Variants in MED30 observed in about 807,000 individuals in gnomAD.
The protein encoded by MED30 is mediator of RNA polymerase II transcription subunit 30.
MED30 carries 8 observed loss-of-function variants against 21.7 expected under a neutral mutation model. The ratio of observed to expected loss-of-function variants is 0.37; its 90% CI spans 0.22 to 0.67. The LOEUF is 0.67. Ranked by LOEUF, MED30 falls within the 30% of genes least tolerant of loss-of-function variation. The probability of loss-of-function intolerance (pLI) is 0.58; values close to 1 mark genes in which losing one functional copy is unlikely to be tolerated. For missense variants in MED30, 203 were observed against 228.2 expected (o/e 0.89, Z 0.71); for synonymous variants, 79 against 86.7 (o/e 0.91, Z 0.49).
rs1294940654 is a variant in MED30, at chr8:117,522,635, C to CT, written c.177+1595dup. ...GGGTGTCCAAAAAAGTGTTTTATTG[C>CT]TTTTTTTTTTTTTAACTGGTCAAGA... On this transcript the variant is annotated intron_variant, in intron 1 of 3. Coordinates refer to ENST00000297347, the MANE Select transcript of MED30 (RefSeq NM_080651.4). Among the ~76,000 whole-genome samples, 459 of 139,600 alleles carry CT rather than the reference C, an allele frequency of 3.3e-3. 4 individuals carry two copies. The highest frequency in any genetic ancestry group is 3.7e-3 in the Middle Eastern group (1 of 270). The allele number at this position is 139,600 out of a possible 152,430, so 91.6% of individuals were successfully genotyped here.
At chr8:117,534,169 T>C (rs544776614) in intron 3 of MED30, among the ~76,000 whole-genome samples, 7 of 152,208 alleles carry the variant, frequency 4.6e-5, no homozygotes, top group African/African-American at 1.7e-4. Flanking sequence ...CCATGGTGGA[T>C]CAGGCGTATT....
At position 117,528,643 on chromosome 8, in the gene MED30, C is replaced by G; in HGVS notation, c.178-8C>G. The G allele has an allele frequency of 1.3e-6, 2 of 1,535,156 alleles. No homozygotes were observed. Among genetic ancestry groups the G allele is most frequent in the East Asian group, 4.7e-5 (2 of 42,360 alleles). On this transcript the variant is annotated splice_region_variant and splice_polypyrimidine_tract_variant and intron_variant, in intron 1 of 3. Transcript: ENST00000297347. ...TTGATATTTTTATTCTTTGTTTTTC[C>G]TGATAAGCTGCCAAATGGTGTCACT... is the stretch of plus-strand genomic sequence containing the variant.
At chr8:117,526,121 G>A (rs1818716121) in intron 1 of MED30, among the ~76,000 whole-genome samples, 1 of 151,746 alleles carries the variant, frequency 6.6e-6, no homozygotes, top group African/African-American at 2.4e-5. Flanking sequence ...ATTGTAAATG[G>A]GGTCTTCTTT....
chr8:117,537,154 A>G (rs1400862021), intron 3 of MED30, among the ~76,000 whole-genome samples: 2 of 152,250 alleles, frequency 1.3e-5, no homozygotes, highest in Non-Finnish European at 2.9e-5. Flanking sequence ...ATGCATTTAG[A>G]AAGTAAACCA....
At chr8:117,534,847 A>ATTGTTTT (rs1554634547) in intron 3 of MED30, among the ~76,000 whole-genome samples, 4 of 60,530 alleles carry the variant, frequency 6.6e-5, no homozygotes, top group Admixed American at 1.6e-4. Context: ...AGGCAAACAA[A>ATTGTTTT]TTGTTTTTTT....
intron 1 of MED30, among the ~76,000 whole-genome samples, chr8:117,526,658 G>A (rs145738713): frequency 1.3e-3 from 204 of 152,012 alleles, no homozygotes; most frequent in African/African-American, 4.5e-3. Context: ...CATTTTTACC[G>A]TGTATACTCT....
chr8:117,525,694 A>G (rs961390096), intron 1 of MED30, among the ~76,000 whole-genome samples: 1 of 152,122 alleles, frequency 6.6e-6, no homozygotes, highest in Non-Finnish European at 1.5e-5. Context: ...CAAAAGGTTC[A>G]CTGAATAATT....
intron 2 of MED30, 116 bp downstream of exon 2, chr8:117,528,925 T>C (rs1818759371): frequency 1.2e-6 from 1 of 809,676 alleles, no homozygotes; most frequent in African/African-American, 1.8e-5. Flanking sequence ...TCGAATTTTA[T>C]TGGTTTTACT....
At chr8:117,534,638 G>A (rs1041597697) in intron 3 of MED30, among the ~76,000 whole-genome samples, 3 of 152,132 alleles carry the variant, frequency 2.0e-5, no homozygotes, top group Non-Finnish European at 4.4e-5. Context: ...TAGAGGTAAA[G>A]TACCTTCTTG....
chr8:117,531,730 C>T (rs1381902728), intron 3 of MED30, among the ~76,000 whole-genome samples: 4 of 151,456 alleles, frequency 2.6e-5, no homozygotes, highest in Non-Finnish European at 5.9e-5. Context: ...GATAAATACC[C>T]AACATTTTTC....
At chr8:117,523,870 G>A (rs1360616502) in intron 1 of MED30, 1 of 419,096 alleles carries the variant, frequency 2.4e-6, no homozygotes, top group African/African-American at 2.0e-5. Context: ...AGCCGGGCGT[G>A]GTGGCGGGCG....
chr8:117,535,922 T>TA (rs1818872191), intron 3 of MED30, among the ~76,000 whole-genome samples: 1 of 152,108 alleles, frequency 6.6e-6, no homozygotes. Flanking sequence ...CTTTTTTTTT[T>TA]ATACTGAGGA....
At chr8:117,537,764 G>A (rs968708100) in intron 3 of MED30, among the ~76,000 whole-genome samples, 2 of 152,144 alleles carry the variant, frequency 1.3e-5, no homozygotes, top group African/African-American at 4.8e-5. Context: ...TGCAAGCCCT[G>A]AGTTGATACT....
At chr8:117,527,636 C>CTTTTTTTTTT (rs3040826) in intron 1 of MED30, among the ~76,000 whole-genome samples, 2 of 127,600 alleles carry the variant, frequency 1.6e-5, no homozygotes, top group Admixed American at 7.9e-5. Context: ...TTTTTTCTTT[C>CTTTTTTTTTT]TTTTTTTTTT....
At position 117,523,370 on chromosome 8, in the gene MED30, C is replaced by T. The variant is rs558747228; in HGVS notation, c.177+2317C>T. The T allele has an allele frequency of 4.9e-5, 75 of 1,539,696 alleles. No individual in the cohort carries two copies. In the South Asian group the frequency reaches 8.3e-4, roughly 17 times the overall value. Reference sequence around the variant, plus strand: ...TTCTTGTCGGCACCAGGGGGCACAGCACTCCGTCTGTAGGTATCTCTGTCG... The same window carrying T: ...TTCTTGTCGGCACCAGGGGGCACAGTACTCCGTCTGTAGGTATCTCTGTCG... On this transcript the variant is annotated intron_variant, in intron 1 of 3. Coordinates refer to ENST00000297347, the MANE Select transcript of MED30 (RefSeq NM_080651.4).
chr8:117,525,100 C>CT (rs1265519545), intron 1 of MED30, among the ~76,000 whole-genome samples: 2 of 152,068 alleles, frequency 1.3e-5, no homozygotes, highest in African/African-American at 2.4e-5. Flanking sequence ...TAGCTATGTG[C>CT]TTTTGTAATT....
At chr8:117,531,722 T>G (rs975483444) in intron 3 of MED30, among the ~76,000 whole-genome samples, 1 of 151,966 alleles carries the variant, frequency 6.6e-6, no homozygotes, top group African/African-American at 2.4e-5. Flanking sequence ...TTCTTTTAGA[T>G]AAATACCCAA....
chr8:117,537,895 CAAG>C (rs1158572172), intron 3 of MED30, among the ~76,000 whole-genome samples: 1 of 151,954 alleles, frequency 6.6e-6, no homozygotes, highest in African/African-American at 2.4e-5. Context: ...ATGAGAAAAC[CAAG>C]AAGAAGGAAT....
chr8:117,520,741 G>A lies in MED30; in HGVS notation c.-136G>A, dbSNP rs1191432765. ...TTACGTCACAGTGGGCGGAAGTCGC[G>A]GCCGCTGTTTTGAAATCGGGCCGCG... On this transcript the variant is annotated 5_prime_UTR_variant, in exon 1 of 4. Coordinates refer to ENST00000297347, the MANE Select transcript of MED30 (RefSeq NM_080651.4). 11 of 842,876 alleles carry A rather than the reference G, an allele frequency of 1.3e-5. No individual in the cohort carries two copies. The highest frequency in any genetic ancestry group is 7.2e-4 in the Middle Eastern group (2 of 2,762). The allele number at this position is 842,876 out of a possible 1,614,324, so 52.2% of individuals were successfully genotyped here.
Sources: gnomAD v4.1 joint callset for allele counts (sites outside exome capture counted in the v4.1 genomes callset) on GRCh38, gnomAD v4.1.1 for gene constraint, MANE v1.5 for transcripts, NCBI Gene and HGNC (gene_info 2026-07-23, HGNC 2026-07-21) for gene names.